EDIL3: variants seen among roughly 807,000 people sequenced by gnomAD.
EDIL3 encodes the protein EGF like and discoidin domains 3, also known as EGF-like repeat and discoidin I-like domain-containing protein 3.
In EDIL3, 37 loss-of-function variants were observed where a neutral mutation model predicts 67.4. The ratio of observed to expected loss-of-function variants is 0.55; its 90% CI spans 0.42 to 0.72. The LOEUF (loss-of-function observed/expected upper bound fraction) is 0.72, where lower values mean the gene tolerates loss of function less well. Ranked by LOEUF, EDIL3 falls within the 30% of genes least tolerant of loss-of-function variation. EDIL3 has a pLI of 0.00. For synonymous variants in EDIL3, 195 were observed against 196.3 expected (o/e 0.99, Z 0.05); for missense variants, 527 against 586.3 (o/e 0.90, Z 1.04).
intron 3 of EDIL3, among the ~76,000 whole-genome samples, chr5:84,186,784 T>C (rs1743464344): frequency 6.6e-6 from 1 of 151,970 alleles, no homozygotes; most frequent in Non-Finnish European, 1.5e-5. Context: ...AGCAGTTTAA[T>C]AGCAGATCAA....
intron 1 of EDIL3, among the ~76,000 whole-genome samples, chr5:84,312,382 G>A (rs867079631): frequency 1.7e-4 from 24 of 144,202 alleles, no homozygotes; most frequent in African/African-American, 5.9e-4. Flanking sequence ...CGGGCGGGGG[G>A]CTGACTCCCC....
chr5:84,008,042 C>A (rs1353553135), intron 9 of EDIL3, among the ~76,000 whole-genome samples: 3 of 152,056 alleles, frequency 2.0e-5, no homozygotes, highest in African/African-American at 7.2e-5. Flanking sequence ...AGACAAACTT[C>A]ACATATTTTC....
chr5:84,077,854 T>C (rs1453473732), intron 6 of EDIL3, among the ~76,000 whole-genome samples: 1 of 83,826 alleles, frequency 1.2e-5, no homozygotes, highest in Non-Finnish European at 2.4e-5. Flanking sequence ...TTTCTTCCTC[T>C]TTTTTTTTTG....
In EDIL3 at chr5:84,106,923, T is replaced by C. The variant is rs533459418; in HGVS notation, c.470-93A>G. ...GATTTGATAGGATTTTTTTAAATGA[T>C]TTGAATTTGCACCACCATGCTATTT... On this transcript the variant is annotated intron_variant, in intron 5 of 10. Transcript: ENST00000296591. 179 of 1,377,180 alleles carry C rather than the reference T, an allele frequency of 1.3e-4. 1 individual carries two copies. In the African/African-American group the frequency reaches 2.4e-3, roughly 19 times the overall value. 85.3% of individuals were successfully genotyped at this position (1,377,180 alleles called of 1,614,324 possible). A position where few individuals can be genotyped will look rare whatever the true frequency, so the allele number is the denominator to read the frequency against.
chr5:84,214,885 A>G (rs561964603), intron 3 of EDIL3, among the ~76,000 whole-genome samples: 1 of 152,076 alleles, frequency 6.6e-6, no homozygotes, highest in Admixed American at 6.5e-5. Flanking sequence ...CACCTGGCCA[A>G]TTTTTTGTGT....
intron 9 of EDIL3, among the ~76,000 whole-genome samples, chr5:83,990,483 C>G (rs951839944): frequency 1.0e-4 from 9 of 86,064 alleles, no homozygotes; most frequent in African/African-American, 3.8e-4. Context: ...GAGACTCCAT[C>G]ACAAAAAAAA....
At chr5:84,001,139 C>T (rs1222381329) in intron 9 of EDIL3, among the ~76,000 whole-genome samples, 1 of 152,048 alleles carries the variant, frequency 6.6e-6, no homozygotes, top group Non-Finnish European at 1.5e-5. Flanking sequence ...CTCTGCCTCC[C>T]AGGTTCAAGC....
At chr5:84,312,959 A>C (rs1275517842) in intron 1 of EDIL3, among the ~76,000 whole-genome samples, 1 of 152,202 alleles carries the variant, frequency 6.6e-6, no homozygotes, top group Admixed American at 6.5e-5. Flanking sequence ...GAATAAATAT[A>C]TTTTTAAATG....
intron 3 of EDIL3, among the ~76,000 whole-genome samples, chr5:84,207,400 T>C (rs1417655210): frequency 6.6e-6 from 1 of 152,064 alleles, no homozygotes; most frequent in African/African-American, 2.4e-5. Flanking sequence ...TAAAAGAGGA[T>C]ACAAACAAAT....
chr5:84,375,100 T>C (rs746035931), intron 1 of EDIL3, among the ~76,000 whole-genome samples: 1 of 151,932 alleles, frequency 6.6e-6, no homozygotes, highest in Non-Finnish European at 1.5e-5. Flanking sequence ...GCCTCCTGAG[T>C]AGCTGGGACT....
intron 3 of EDIL3, among the ~76,000 whole-genome samples, chr5:84,209,795 T>A (rs1744078437): frequency 6.6e-6 from 1 of 152,152 alleles, no homozygotes. Context: ...GTAAATAAAA[T>A]GAAAGAAATT....
intron 1 of EDIL3, among the ~76,000 whole-genome samples, chr5:84,339,864 A>C (rs1437242137): frequency 6.6e-6 from 1 of 152,214 alleles, no homozygotes; most frequent in African/African-American, 2.4e-5. Flanking sequence ...AAGTAGCCTT[A>C]ATCTGTTAAA....
intron 3 of EDIL3, among the ~76,000 whole-genome samples, chr5:84,196,181 T>A (rs1743699797): frequency 7.2e-5 from 11 of 151,996 alleles, no homozygotes; most frequent in Admixed American, 5.9e-4. Context: ...GATTTATTGA[T>A]ATTACTTTGC....
In EDIL3 at chr5:84,242,818, A is replaced by G. The variant is rs1215346568; in HGVS notation, c.196+11266T>C. Among the ~76,000 whole-genome samples, 4 of 74,332 alleles carry G rather than the reference A, an allele frequency of 5.4e-5. No homozygotes were observed. In the Middle Eastern group the frequency reaches 0.022, roughly 416 times the overall value. The allele number at this position is 74,332 out of a possible 152,430, so 48.8% of individuals were successfully genotyped here. On this transcript the variant is annotated intron_variant, in intron 2 of 10. Transcript: ENST00000296591. ...TAAAAAAAAAAAAAAAAAAACTTCC[A>G]AAGAAATATTATTATTATTATTTCT...
intron 1 of EDIL3, among the ~76,000 whole-genome samples, chr5:84,339,740 A>G (rs1747061439): frequency 6.6e-6 from 1 of 152,140 alleles, no homozygotes; most frequent in Non-Finnish European, 1.5e-5. Flanking sequence ...TCTCTAAAGT[A>G]TACTTTAATA....
At chr5:84,160,787 TTCCTTTCCTTTCCTTTCCTTTCC>T (rs1748594431) in intron 4 of EDIL3, among the ~76,000 whole-genome samples, 1 of 132,930 alleles carries the variant, frequency 7.5e-6, no homozygotes, top group Non-Finnish European at 1.6e-5. Context: ...TTCCTTTCCT[TTCCTTTCCTTTCCTTTCCTTTCC>T]TTTCCTTTCC....
chr5:84,324,927 T>TTA (rs778566638), intron 1 of EDIL3, among the ~76,000 whole-genome samples: 88 of 148,950 alleles, frequency 5.9e-4, no homozygotes, highest in Non-Finnish European at 4.5e-5. Flanking sequence ...TTCTCCTGAT[T>TTA]AAAAAAAAAA....
chr5:84,007,670 T>C (rs1363056821), intron 9 of EDIL3, among the ~76,000 whole-genome samples: 1 of 152,092 alleles, frequency 6.6e-6, no homozygotes, highest in African/African-American at 2.4e-5. Context: ...CCTCATACAC[T>C]ATTGGTGGGA....
chr5:84,137,695 G>T (rs1178642136), intron 4 of EDIL3, among the ~76,000 whole-genome samples: 3 of 151,964 alleles, frequency 2.0e-5, no homozygotes, highest in African/African-American at 7.3e-5. Context: ...AAGATGAATT[G>T]GTTTCACTTA....
Sources: allele counts gnomAD v4.1 joint callset (sites outside exome capture counted in the v4.1 genomes callset), GRCh38; gene constraint gnomAD v4.1.1; transcripts MANE v1.5; gene names NCBI Gene and HGNC (gene_info 2026-07-23, HGNC 2026-07-21).